The following PPFIA3 variants were observed in gnomAD, a reference collection of about 807,000 sequenced individuals.
PPFIA3 encodes the protein PPFI scaffold protein A3, also known as liprin-alpha-3.
PPFIA3 carries 26 observed loss-of-function variants against 145.8 expected under a neutral mutation model. The observed-to-expected ratio is 0.18, with a 90% CI of 0.13 to 0.25. PPFIA3 has a LOEUF of 0.25. Ranked by LOEUF, PPFIA3 falls within the 10% of genes least tolerant of loss-of-function variation. The pLI, the probability that PPFIA3 is intolerant of heterozygous loss-of-function variation, is 1.00. For missense variants in PPFIA3, 1,008 were observed against 1,587.8 expected (o/e 0.63, Z 6.21); for synonymous variants, 645 against 661.4 (o/e 0.98, Z 0.38).
Position 49,149,647 on chromosome 19 carries a change from C to A in PPFIA3, c.3455C>A (p.Pro1152His). ...CCCGACTCAGCTGAGATGTTGCCCC[C>A]CAACTTTCGTTCGGCTGCAGCGGGA... ...VTPDSAEMLP[P>H]NFRSAAAGAL... is the part of the protein sequence containing the mutation. The change falls in exon 28 of 30, where the codon CCC becomes CAC. Residue 1152 changes from proline (P) to histidine (H), a missense_variant. This residue lies in a region of PPFIA3 where 125 missense variants were observed against 159.3 expected (regional missense o/e 0.78). Transcript: ENST00000334186. This position sits in a 1 kb window ranked among gnomAD's most constrained non-coding sequence, Gnocchi z 5.7. 6.2e-7 allele frequency: 1 copy of A among 1,614,178 alleles called. No homozygotes were observed. The highest frequency in any genetic ancestry group is 8.5e-7 in the Non-Finnish European group (1 of 1,180,030).
Position 49,132,390 on chromosome 19 carries a change from C to CAAAAAAAAAA in PPFIA3, c.880-590_880-581dup, listed in dbSNP as rs11351172. Among the ~76,000 whole-genome samples, 71 of 43,674 alleles carry CAAAAAAAAAA rather than the reference C, an allele frequency of 1.6e-3. 2 individuals carry two copies. The highest frequency in any genetic ancestry group is 1.8e-3 in the Non-Finnish European group (50 of 27,214). The allele number at this position is 43,674 out of a possible 152,430, so 28.7% of individuals were successfully genotyped here. On this transcript the variant is annotated intron_variant, in intron 7 of 29. Transcript: ENST00000334186. ...GGTGACGGAGCAAGACTCTCTCTCTCAAAAAAAAAAAAAAAAAAAAAAAAA... is the reference window on the plus strand; with the variant it reads ...GGTGACGGAGCAAGACTCTCTCTCTCAAAAAAAAAAAAAAAAAAAAAAAAAAAAAAAAAAA...
intron 7 of PPFIA3, among the ~76,000 whole-genome samples, chr19:49,131,377 G>A (rs1224908690): frequency 1.4e-5 from 2 of 141,026 alleles, no homozygotes; most frequent in Non-Finnish European, 3.0e-5. Flanking sequence ...TAGAAATGGG[G>A]TTTCACTATA....
intron 13 of PPFIA3, among the ~76,000 whole-genome samples, 183 bp from the exon 14 acceptor site, chr19:49,135,596 C>T (rs1389406720): frequency 2.6e-5 from 4 of 152,142 alleles, no homozygotes; most frequent in Admixed American, 6.5e-5. Flanking sequence ...TCTCAAACTC[C>T]TGACCTCAAG....
rs1600354899 is a variant in PPFIA3 at position 49,148,770 on chromosome 19, A to G, written c.3109+7A>G. 1 of 1,610,586 alleles carries G rather than the reference A, an allele frequency of 6.2e-7. No individual in the cohort carries two copies. The highest frequency in any genetic ancestry group is 8.5e-7 in the Non-Finnish European group (1 of 1,176,906). ...AGTCAGACCCAGATCCGAGGTGAGT[A>G]GAGCCTAAGGGTCCCTTTGGGAGCC... On this transcript the variant is annotated splice_region_variant and intron_variant, in intron 25 of 29. Coordinates refer to ENST00000334186, the MANE Select transcript of PPFIA3 (RefSeq NM_003660.4).
rs1439312847 is a variant in PPFIA3, at chr19:49,146,132, C to T, written c.2809-34C>T. ...CCTCCTCTGCCTGCCCCTTAACTCA[C>T]CCCTTCTCTCCCCTCTTCCTACTAA... On this transcript the variant is annotated intron_variant, in intron 22 of 29. Transcript: ENST00000334186. The T allele has an allele frequency of 1.9e-6, 3 of 1,614,040 alleles. No individual in the cohort carries two copies. The South Asian group carries it at 3.3e-5, about 18-fold the overall frequency.
chr19:49,146,382 T>A, intron 23 of PPFIA3, 190 bp downstream of exon 23: 1 of 685,064 alleles, frequency 1.5e-6, no homozygotes, highest in Non-Finnish European at 2.4e-6. Flanking sequence ...GGATGCGATG[T>A]GGAAGCCCAG....
At chr19:49,129,847 G>C (rs2041047624) in intron 5 of PPFIA3, 146 bp from the exon 6 acceptor site, 2 of 802,334 alleles carry the variant, frequency 2.5e-6, no homozygotes, top group Non-Finnish European at 2.0e-6. Context: ...GAGCCTAAGG[G>C]TAAACCGTGG....
Position 49,133,190 on chromosome 19 carries a change from C to T in PPFIA3, c.1026+43C>T, listed in dbSNP as rs751653959. On this transcript the variant is annotated intron_variant, in intron 8 of 29. Coordinates refer to ENST00000334186, the MANE Select transcript of PPFIA3 (RefSeq NM_003660.4). The surrounding 1 kb of genome is among the most constrained non-coding windows in gnomAD (Gnocchi z 7.2). ...AGGGGCGATGGGGGCGGTGCCGGGG[C>T]CCAAGTGACCCAGCCCGTCCCCTCC... The T allele has an allele frequency of 1.3e-5, 21 of 1,583,986 alleles. No homozygotes were observed. The highest frequency in any genetic ancestry group is 2.3e-4 in the Middle Eastern group (1 of 4,370).
At chr19:49,125,601 A>G (rs796182557) in intron 1 of PPFIA3, among the ~76,000 whole-genome samples, 1 of 151,868 alleles carries the variant, frequency 6.6e-6, no homozygotes, top group African/African-American at 2.4e-5. Context: ...GGTTGGTGGG[A>G]GCGTCCCAGA....
intron 1 of PPFIA3, among the ~76,000 whole-genome samples, chr19:49,127,174 G>T (rs2041009444): frequency 6.6e-6 from 1 of 151,252 alleles, no homozygotes; most frequent in African/African-American, 2.4e-5. Context: ...ACGAGGTCAG[G>T]AGTTCGAGAC....
chr19:49,141,628 G>A, intron 19 of PPFIA3, 115 bp downstream of exon 19: 2 of 785,534 alleles, frequency 2.5e-6, no homozygotes, highest in African/African-American at 1.8e-5. Flanking sequence ...GAGGGTGTGT[G>A]AGTGTGTGTG....
At chr19:49,145,801 CAT>C in intron 21 of PPFIA3, 140 bp from the exon 22 acceptor site, 1 of 742,992 alleles carries the variant, frequency 1.3e-6, no homozygotes, top group Non-Finnish European at 2.4e-6. Context: ...TAATAAGAAT[CAT>C]TCCTTTTCTC....
Position 49,128,567 on chromosome 19 carries a change from TC to T in PPFIA3, c.342+104del. ...AGTGTTGCAGCGTGACCTATTTTTT[TC>T]CCCCATCTCGCCTTTCTGTCTTCTC... is the stretch of plus-strand genomic sequence containing the variant. On this transcript the variant is annotated intron_variant, in intron 3 of 29. Transcript: ENST00000334186. This position sits in a 1 kb window ranked among gnomAD's most constrained non-coding sequence, Gnocchi z 4.1. 1.7e-6 allele frequency: 2 copies of T among 1,148,700 alleles called. No homozygotes were observed. Among genetic ancestry groups the T allele is most frequent in the East Asian group, 2.5e-5 (1 of 39,486 alleles). 71.2% of individuals were successfully genotyped at this position (1,148,700 alleles called of 1,614,324 possible).
intron 11 of PPFIA3, 66 bp from the exon 12 acceptor site, chr19:49,134,573 C>T (rs2041114541): frequency 2.7e-6 from 4 of 1,458,136 alleles, no homozygotes; most frequent in Admixed American, 1.7e-5. Context: ...GCACTGGGAG[C>T]TGCCTGCAGC....
chr19:49,131,531 C>A (rs1352759661), intron 7 of PPFIA3, among the ~76,000 whole-genome samples: 1 of 151,866 alleles, frequency 6.6e-6, no homozygotes, highest in Non-Finnish European at 1.5e-5. Context: ...GCTTAGGCCG[C>A]TTTATCCTAA....
intron 7 of PPFIA3, among the ~76,000 whole-genome samples, chr19:49,132,284 G>C (rs953041484): frequency 1.3e-5 from 2 of 148,208 alleles, no homozygotes; most frequent in African/African-American, 5.0e-5. Context: ...AGCTACTTGA[G>C]AGGTTGAGGC....
At chr19:49,140,122 T>C (rs1166106353) in intron 18 of PPFIA3, 34 bp downstream of exon 18, 2 of 1,606,862 alleles carry the variant, frequency 1.2e-6, no homozygotes, top group Non-Finnish European at 1.7e-6. Context: ...CCCTCCTTTG[T>C]TCCTTCCTCC....
At position 49,149,391 on chromosome 19, in the gene PPFIA3, G is replaced by A. The variant is rs2041316607; in HGVS notation, c.3354+66G>A. 6.2e-7 allele frequency: 1 copy of A among 1,601,644 alleles called. No individual in the cohort carries two copies. Among genetic ancestry groups the A allele is most frequent in the South Asian group, 1.1e-5 (1 of 90,796 alleles). ...CTCCTCGAGAGGCTGAGCTGAGGGG[G>A]CGGGGCCTGACTATTAATGGTCACG... On this transcript the variant is annotated intron_variant, in intron 27 of 29. Transcript: ENST00000334186. The surrounding 1 kb of genome is among the most constrained non-coding windows in gnomAD (Gnocchi z 5.7).
chr19:49,145,752 C>T lies in PPFIA3; in HGVS notation c.2746-191C>T, dbSNP rs920380258. ...CCAATTCCAACCTGAATTTGTTCAA[C>T]TCCAAAGTCACATTGCCTGGTACAT... On this transcript the variant is annotated intron_variant, in intron 21 of 29. Transcript: ENST00000334186. 6 of 610,896 alleles carry T rather than the reference C, an allele frequency of 9.8e-6. No individual in the cohort carries two copies. In the Admixed American group the frequency reaches 1.7e-4, roughly 17 times the overall value. 37.8% of individuals were successfully genotyped at this position (610,896 alleles called of 1,614,324 possible).
Sources: allele counts gnomAD v4.1 joint callset (sites outside exome capture counted in the v4.1 genomes callset), GRCh38; gene constraint gnomAD v4.1.1; regional missense constraint gnomAD v4.1.1; non-coding constraint Gnocchi (gnomAD v3.1); transcripts MANE v1.5; gene names NCBI Gene and HGNC (gene_info 2026-07-23, HGNC 2026-07-21).